The following COL4A6 variants were observed in gnomAD, a reference collection of about 807,000 sequenced individuals.
The protein encoded by COL4A6 is collagen alpha-6(IV) chain.
In COL4A6, 59 loss-of-function variants were observed where a neutral mutation model predicts 126.7. The ratio of observed to expected loss-of-function variants is 0.47; its 90% confidence interval spans 0.38 to 0.58. The LOEUF (loss-of-function observed/expected upper bound fraction) is 0.58, where lower values mean the gene tolerates loss of function less well. Among genes scored for constraint, COL4A6 ranks in the 20% least tolerant of loss-of-function variants. The pLI, the probability that COL4A6 is intolerant of heterozygous loss-of-function variation, is 0.00. For missense variants in COL4A6, 1,285 were observed against 1,337.3 expected, an observed-to-expected ratio of 0.96 and a Z score of 0.61; for synonymous variants, 547 against 496.6, an observed-to-expected ratio of 1.10 and a Z score of -1.35.
chrX:108,219,863 A>G, intron 4 of COL4A6, 121 bp from the exon 5 acceptor site: 1 of 109,683 alleles, frequency 9.1e-6, no homozygotes, highest in African/African-American at 5.5e-5. Context: ...CCCCCTCCCC[A>G]TATTGTATTC....
chrX:108,176,843 T>G lies in COL4A6; in HGVS notation c.2684A>C (p.Lys895Thr). Residue 895 changes from lysine to threonine, a missense_variant and splice_region_variant, in exon 28 of 45, where the codon AAG becomes ACG. Transcript: ENST00000334504. Reference protein sequence around the residue: ...VAGLPALSGPKGEKGSVGFVG... With the variant: ...VAGLPALSGPTGEKGSVGFVG... ...ACTTCACTGATCACTTCACTTACCCTTGGGTCCAGAGAGGGCTGGCAACCC... is the reference window on the plus strand; with the variant it reads ...ACTTCACTGATCACTTCACTTACCCGTGGGTCCAGAGAGGGCTGGCAACCC... The G allele has an allele frequency of 8.3e-7, 1 of 1,205,474 alleles. No homozygotes were observed. Among genetic ancestry groups the G allele is most frequent in the South Asian group, 1.8e-5 (1 of 55,677 alleles).
intron 2 of COL4A6, among the ~76,000 whole-genome samples, chrX:108,430,695 C>T (rs948537666): frequency 9.0e-6 from 1 of 111,708 alleles, no homozygotes; most frequent in Non-Finnish European, 1.9e-5. Flanking sequence ...ATAATGAAAG[C>T]TGATGGCTGC....
chrX:108,339,930 T>C (rs1252201509), intron 2 of COL4A6, among the ~76,000 whole-genome samples: 1 of 111,270 alleles, frequency 9.0e-6, no homozygotes, highest in Non-Finnish European at 1.9e-5. Context: ...CTGCAGTTGA[T>C]TGCCCTGGAT....
chrX:108,298,979 G>A (rs955747878), intron 3 of COL4A6, among the ~76,000 whole-genome samples: 2 of 111,139 alleles, frequency 1.8e-5, no homozygotes, highest in Admixed American at 9.5e-5. Flanking sequence ...ATAATGGATC[G>A]CATCAGATCA....
chrX:108,345,651 A>G (rs1397705348), intron 2 of COL4A6, among the ~76,000 whole-genome samples: 1 of 111,771 alleles, frequency 8.9e-6, no homozygotes, highest in Admixed American at 9.5e-5. Flanking sequence ...TGATAAATAC[A>G]GGTGGGGCTA....
At chrX:108,238,154 T>C (rs1195808441) in intron 3 of COL4A6, among the ~76,000 whole-genome samples, 3 of 105,306 alleles carry the variant, frequency 2.8e-5, no homozygotes, top group African/African-American at 1.0e-4. Flanking sequence ...TCACCCAGGC[T>C]GGAGTGCAGT....
chrX:108,223,737 CAT>C (rs2036085802), intron 3 of COL4A6, among the ~76,000 whole-genome samples: 1 of 111,469 alleles, frequency 9.0e-6, no homozygotes, highest in Admixed American at 9.5e-5. Context: ...TTCAGGATAA[CAT>C]GTGTATGTCA....
Position 108,156,720 on chromosome X carries a change from A to C in COL4A6, c.*280T>G. ...AGTCTAAGACAGTTGTGGCCCATCAAATCTTTCTGAGGTAGCCATGAATAG... is the reference window on the plus strand; with the variant it reads ...AGTCTAAGACAGTTGTGGCCCATCACATCTTTCTGAGGTAGCCATGAATAG... On this transcript the variant is annotated 3_prime_UTR_variant, in exon 45 of 45. Coordinates refer to ENST00000334504, the MANE Select transcript of COL4A6 (RefSeq NM_033641.4). 2.6e-6 allele frequency: 1 copy of C among 383,026 alleles called. No homozygotes were observed. Among genetic ancestry groups the C allele is most frequent in the Non-Finnish European group, 4.5e-6 (1 of 220,295 alleles). 31.6% of individuals were successfully genotyped at this position (383,026 alleles called of 1,213,427 possible). A position where few individuals can be genotyped will look rare whatever the true frequency, so the allele number is the denominator to read the frequency against.
intron 2 of COL4A6, among the ~76,000 whole-genome samples, chrX:108,369,465 C>G (rs1418218293): frequency 8.9e-6 from 1 of 111,880 alleles, no homozygotes; most frequent in East Asian, 2.8e-4. Flanking sequence ...ACTGTCTCCT[C>G]CAGAAGACTC....
At chrX:108,309,482 C>T (rs750366285) in intron 3 of COL4A6, among the ~76,000 whole-genome samples, 5 of 111,108 alleles carry the variant, frequency 4.5e-5, no homozygotes, top group Admixed American at 2.9e-4. Flanking sequence ...TCATATTTTA[C>T]GATTCTCTAA....
chrX:108,265,471 A>G (rs928295412), intron 3 of COL4A6, among the ~76,000 whole-genome samples: 18 of 110,741 alleles, frequency 1.6e-4, no homozygotes, highest in Non-Finnish European at 3.8e-5. Flanking sequence ...AAGTACTACA[A>G]ATAAATGCCT....
At chrX:108,316,624 AATCAT>A (rs1191472534) in intron 2 of COL4A6, among the ~76,000 whole-genome samples, 4 of 111,773 alleles carry the variant, frequency 3.6e-5, no homozygotes, top group Non-Finnish European at 7.5e-5. Flanking sequence ...CGATCCACTG[AATCAT>A]AAACTTTAGG....
At chrX:108,390,376 T>C (rs1373609342) in intron 2 of COL4A6, among the ~76,000 whole-genome samples, 1 of 110,903 alleles carries the variant, frequency 9.0e-6, no homozygotes, top group South Asian at 3.9e-4. Context: ...CAATCAAACA[T>C]AGATTTGGTC....
Position 108,160,610 on chromosome X carries a change from C to T in COL4A6, c.4378G>A (p.Gly1460Ser), listed in dbSNP as rs773873038. The change falls in exon 43 of 45, where the codon GGC (glycine) becomes AGC (serine). Residue 1460 changes from glycine (G) to serine (S), a missense_variant. By Grantham distance (56) the Gly-to-Ser change is moderately conservative (BLOSUM62 0). Coordinates refer to ENST00000334504, the MANE Select transcript of COL4A6 (RefSeq NM_033641.4). ...QGPFGMPGMP[G>S]QSMRVGYTLV... ...GTGTAGCCCACTCTCATGCTCTGGC[C>T]AGGCATTCCAGGCATCCCGAAGGGG... The T allele has an allele frequency of 8.3e-7, 1 of 1,209,961 alleles. No homozygotes were observed. Among genetic ancestry groups the T allele is most frequent in the Admixed American group, 2.2e-5 (1 of 45,805 alleles).
chrX:108,298,284 TC>T (rs2038382751), intron 3 of COL4A6, among the ~76,000 whole-genome samples: 1 of 112,650 alleles, frequency 8.9e-6, no homozygotes, highest in Admixed American at 9.3e-5. Flanking sequence ...CGTGTTTGCT[TC>T]AGAACTGCCT....
At chrX:108,328,111 G>T (rs181864513) in intron 2 of COL4A6, among the ~76,000 whole-genome samples, 152 of 111,377 alleles carry the variant, frequency 1.4e-3, no homozygotes, top group Admixed American at 2.8e-3. Context: ...TATAACTCAG[G>T]ATAACCATAA....
At chrX:108,219,795 T>A (rs1457383080) in intron 4 of COL4A6, 53 bp from the exon 5 acceptor site, 3 of 1,013,717 alleles carry the variant, frequency 3.0e-6, no homozygotes, top group Non-Finnish European at 4.2e-6. Context: ...CTGATGTTTG[T>A]TAGACTCAGT....
intron 2 of COL4A6, among the ~76,000 whole-genome samples, chrX:108,344,675 A>G (rs1230448585): frequency 8.9e-6 from 1 of 112,266 alleles, no homozygotes; most frequent in African/African-American, 3.2e-5. Context: ...ACAATATTCT[A>G]TGATCAACAA....
intron 3 of COL4A6, among the ~76,000 whole-genome samples, chrX:108,305,101 G>A (rs758676016): frequency 8.9e-6 from 1 of 111,948 alleles, no homozygotes; most frequent in South Asian, 3.8e-4. Flanking sequence ...ATGATGGTAA[G>A]AGTAGACAAC....
Sources: gnomAD v4.1 joint callset for allele counts (sites outside exome capture counted in the v4.1 genomes callset) on GRCh38, gnomAD v4.1.1 for gene constraint, MANE v1.5 for transcripts, NCBI Gene and HGNC (gene_info 2026-07-23, HGNC 2026-07-21) for gene names.